Variants in USP12 observed in about 807,000 individuals in gnomAD.
USP12 encodes ubiquitin specific peptidase 12.
USP12 carries 19 observed loss-of-function variants against 45.5 expected under a neutral mutation model. The observed-to-expected ratio is 0.42, with a 90% CI of 0.29 to 0.61. The LOEUF is 0.61. USP12 is among the 20% of genes least tolerant of loss of function. The pLI, the probability that USP12 is intolerant of heterozygous loss-of-function variation, is 0.22. For missense variants in USP12, 242 were observed against 447.7 expected, an observed-to-expected ratio of 0.54 and a Z score of 4.15; for synonymous variants, 149 against 148.8, an observed-to-expected ratio of 1.00 and a Z score of -0.01.
chr13:27,116,988 G>A lies in USP12; in HGVS notation c.49-392C>T, dbSNP rs1020777413. Among the ~76,000 whole-genome samples, 6 of 152,004 alleles carry A rather than the reference G, an allele frequency of 3.9e-5. No homozygotes were observed. In the South Asian group the frequency reaches 8.3e-4, roughly 21 times the overall value. Reference sequence around the variant, plus strand: ...ACATTTCTCACACCATATCCCCATCGTTACACATGATCGTATTTTCATAAT... The same window carrying A: ...ACATTTCTCACACCATATCCCCATCATTACACATGATCGTATTTTCATAAT... On this transcript the variant is annotated intron_variant, in intron 1 of 8. Coordinates refer to ENST00000282344, the MANE Select transcript of USP12 (RefSeq NM_182488.4).
intron 4 of USP12, among the ~76,000 whole-genome samples, chr13:27,095,339 T>G (rs117496904): frequency 1.3e-5 from 2 of 152,136 alleles, no homozygotes; most frequent in African/African-American, 2.4e-5. Flanking sequence ...CACAACATGG[T>G]TCTATGGCCT....
intron 7 of USP12, among the ~76,000 whole-genome samples, chr13:27,071,736 G>C (rs1210144640): frequency 6.6e-6 from 1 of 152,056 alleles, no homozygotes; most frequent in Non-Finnish European, 1.5e-5. Context: ...TTATAACTAT[G>C]ACTATGATTG....
chr13:27,116,994 CAT>C (rs762432866), intron 1 of USP12, among the ~76,000 whole-genome samples: 7 of 152,128 alleles, frequency 4.6e-5, no homozygotes, highest in Non-Finnish European at 8.8e-5. Context: ...CATCGTTACA[CAT>C]GATCGTATTT....
intron 1 of USP12, among the ~76,000 whole-genome samples, chr13:27,136,455 GC>G (rs1464588124): frequency 6.6e-6 from 1 of 152,166 alleles, no homozygotes; most frequent in African/African-American, 2.4e-5. Flanking sequence ...CCAAGATCAT[GC>G]CACTGCACTC....
intron 4 of USP12, among the ~76,000 whole-genome samples, chr13:27,094,422 G>T (rs1185831628): frequency 2.0e-5 from 3 of 152,132 alleles, no homozygotes; most frequent in African/African-American, 7.2e-5. Context: ...GATCACTTGA[G>T]CCCAGGAGTC....
intron 1 of USP12, among the ~76,000 whole-genome samples, chr13:27,130,528 TCA>T (rs1196658156): frequency 7.4e-6 from 1 of 135,220 alleles, no homozygotes; most frequent in Non-Finnish European, 1.5e-5. Flanking sequence ...TGTTCAGTTC[TCA>T]CACACACACA....
At chr13:27,155,859 G>A (rs1877815558) in intron 1 of USP12, among the ~76,000 whole-genome samples, 1 of 152,154 alleles carries the variant, frequency 6.6e-6, no homozygotes, top group Admixed American at 6.5e-5. Flanking sequence ...CTAAATGTAT[G>A]ACTTTCGGAA....
rs1255894506 is a variant in USP12 at position 27,103,723 on chromosome 13, CATA to C, written c.343+2005_343+2007del. Among the ~76,000 whole-genome samples, 5 of 102,762 alleles carry C rather than the reference CATA, an allele frequency of 4.9e-5. No homozygotes were observed. In the Admixed American group the frequency reaches 5.1e-4, roughly 11 times the overall value. The allele number at this position is 102,762 out of a possible 152,430, so 67.4% of individuals were successfully genotyped here. A position where few individuals can be genotyped will look rare whatever the true frequency, so the allele number is the denominator to read the frequency against. On this transcript the variant is annotated intron_variant, in intron 3 of 8. Transcript: ENST00000282344. Reference sequence around the variant, plus strand: ...AGGAGTTCAAGACTAGTCTGGGCAACATAATGAGACCCCATCTCTACCAAAAAA... The same window carrying C: ...AGGAGTTCAAGACTAGTCTGGGCAACATGAGACCCCATCTCTACCAAAAAA...
intron 1 of USP12, among the ~76,000 whole-genome samples, chr13:27,121,305 T>C (rs773355810): frequency 4.2e-4 from 63 of 149,264 alleles, no homozygotes; most frequent in Non-Finnish European, 4.4e-4. Flanking sequence ...CTATGTGATC[T>C]TAAAAAAAAA....
chr13:27,152,120 C>G (rs113719848), intron 1 of USP12, among the ~76,000 whole-genome samples: 178 of 152,296 alleles, frequency 1.2e-3, no homozygotes, highest in African/African-American at 4.1e-3. Context: ...AACCACAATT[C>G]CACTCCAAAG....
intron 7 of USP12, among the ~76,000 whole-genome samples, chr13:27,074,182 C>T (rs1319881581): frequency 2.0e-5 from 3 of 152,110 alleles, no homozygotes; most frequent in East Asian, 1.9e-4. Context: ...GGGCAGATCA[C>T]GAGGTCAGGA....
intron 3 of USP12, among the ~76,000 whole-genome samples, chr13:27,104,550 C>A (rs1268466977): frequency 1.3e-5 from 2 of 152,138 alleles, no homozygotes; most frequent in Non-Finnish European, 2.9e-5. Flanking sequence ...TAATAAAGTA[C>A]ATACGTTTAG....
chr13:27,105,983 A>G (rs1875117556), intron 2 of USP12, 39 bp from the exon 3 acceptor site: 1 of 1,538,590 alleles, frequency 6.5e-7, no homozygotes, highest in Non-Finnish European at 8.8e-7. Flanking sequence ...AATTTAGGGC[A>G]ACACATTTTC....
rs1362093467 is a variant in USP12, at chr13:27,069,021, T to C, written c.*262A>G. 3 of 466,078 alleles carry C rather than the reference T, an allele frequency of 6.4e-6. No individual in the cohort carries two copies. The highest frequency in any genetic ancestry group is 1.1e-5 in the Non-Finnish European group (3 of 263,098). The allele number at this position is 466,078 out of a possible 1,614,324, so 28.9% of individuals were successfully genotyped here. On this transcript the variant is annotated 3_prime_UTR_variant, in exon 9 of 9. Coordinates refer to ENST00000282344, the MANE Select transcript of USP12 (RefSeq NM_182488.4). ...TGCGTGCCAATGACTGGAAGGCTGT[T>C]TTAAAAGAGGAGCTGGTATCTCTGA... is the stretch of plus-strand genomic sequence containing the variant.
intron 3 of USP12, among the ~76,000 whole-genome samples, chr13:27,101,092 C>T (rs938304976): frequency 3.3e-5 from 5 of 152,130 alleles, no homozygotes; most frequent in Admixed American, 6.5e-5. Context: ...ACAAAAATAC[C>T]TCCAATGACT....
At chr13:27,074,883 A>G (rs1873405583) in intron 7 of USP12, among the ~76,000 whole-genome samples, 1 of 152,226 alleles carries the variant, frequency 6.6e-6, no homozygotes, top group African/African-American at 2.4e-5. Flanking sequence ...ATTTATTTTA[A>G]CCAACAACCC....
chr13:27,149,567 T>C (rs925551626), intron 1 of USP12, among the ~76,000 whole-genome samples: 4 of 152,184 alleles, frequency 2.6e-5, no homozygotes, highest in African/African-American at 4.8e-5. Flanking sequence ...ATCAATTGTA[T>C]TGATCTCATA....
At chr13:27,151,225 G>A (rs1429333626) in intron 1 of USP12, among the ~76,000 whole-genome samples, 2 of 152,114 alleles carry the variant, frequency 1.3e-5, no homozygotes, top group Admixed American at 1.3e-4. Flanking sequence ...CAGCTACTCG[G>A]GAGTCTGAGG....
At chr13:27,104,266 A>G (rs994700846) in intron 3 of USP12, among the ~76,000 whole-genome samples, 1 of 152,204 alleles carries the variant, frequency 6.6e-6, no homozygotes, top group African/African-American at 2.4e-5. Flanking sequence ...CTTGGGCTCA[A>G]GCAGTCCACC....
Sources: gnomAD v4.1 joint callset for allele counts (sites outside exome capture counted in the v4.1 genomes callset) on GRCh38, gnomAD v4.1.1 for gene constraint, MANE v1.5 for transcripts, NCBI Gene and HGNC (gene_info 2026-07-23, HGNC 2026-07-21) for gene names.